Variants in ZZZ3 observed in about 807,000 individuals in gnomAD.
ZZZ3 encodes the protein ZZ-type zinc finger-containing protein 3.
In ZZZ3, 22 loss-of-function variants were observed where a neutral mutation model predicts 95.2. The observed-to-expected ratio is 0.23, with a 90% CI of 0.17 to 0.33. The LOEUF is 0.33. ZZZ3 is among the 10% of genes least tolerant of loss of function. The pLI is 1.00. For missense variants in ZZZ3, 885 were observed against 1,066.5 expected (o/e 0.83, Z 2.37); for synonymous variants, 335 against 358.9 (o/e 0.93, Z 0.75).
chr1:77,570,023 CTA>C (rs1208469854), intron 12 of ZZZ3, among the ~76,000 whole-genome samples: 1 of 152,228 alleles, frequency 6.6e-6, no homozygotes, highest in Admixed American at 6.5e-5. Flanking sequence ...GTATTAAGTG[CTA>C]TGTTTATTTT....
intron 5 of ZZZ3, among the ~76,000 whole-genome samples, chr1:77,627,069 C>T (rs1667403724): frequency 6.6e-6 from 1 of 152,158 alleles, no homozygotes. Flanking sequence ...CCAAGATCTG[C>T]TCCATGAGGG....
At chr1:77,614,427 G>A (rs1227581514) in intron 5 of ZZZ3, among the ~76,000 whole-genome samples, 1 of 152,158 alleles carries the variant, frequency 6.6e-6, no homozygotes, top group Non-Finnish European at 1.5e-5. Flanking sequence ...CCCCATTAAC[G>A]TCTCTTGATT....
chr1:77,602,831 C>G (rs1475388049), intron 5 of ZZZ3, among the ~76,000 whole-genome samples: 1 of 151,830 alleles, frequency 6.6e-6, no homozygotes, highest in Non-Finnish European at 1.5e-5. Context: ...GTATTGAACT[C>G]CTGACCTCGT....
At chr1:77,595,532 C>A (rs1443513991) in intron 5 of ZZZ3, among the ~76,000 whole-genome samples, 1 of 152,028 alleles carries the variant, frequency 6.6e-6, no homozygotes, top group East Asian at 1.9e-4. Context: ...TCTCTAAAAT[C>A]TCTGTCCAAT....
chr1:77,679,618 T>G (rs895128303), intron 1 of ZZZ3, among the ~76,000 whole-genome samples: 1 of 152,182 alleles, frequency 6.6e-6, no homozygotes, highest in African/African-American at 2.4e-5. Flanking sequence ...TCTGTGGAAA[T>G]TGGCATGGTG....
At chr1:77,661,282 G>A (rs974339810) in intron 1 of ZZZ3, among the ~76,000 whole-genome samples, 7 of 151,890 alleles carry the variant, frequency 4.6e-5, no homozygotes, top group African/African-American at 1.7e-4. Flanking sequence ...GCAGAGTGTC[G>A]GGTAACTGTA....
chr1:77,589,863 G>A (rs1427860135), intron 5 of ZZZ3, among the ~76,000 whole-genome samples: 1 of 152,100 alleles, frequency 6.6e-6, no homozygotes, highest in Admixed American at 6.5e-5. Flanking sequence ...CAGACAGGCA[G>A]ACAGAAACAG....
intron 4 of ZZZ3, among the ~76,000 whole-genome samples, chr1:77,636,709 A>G (rs949572986): frequency 6.7e-6 from 1 of 149,604 alleles, no homozygotes; most frequent in Non-Finnish European, 1.5e-5. Context: ...TGTCTTGAAA[A>G]AAAAAAAAAA....
intron 5 of ZZZ3, among the ~76,000 whole-genome samples, chr1:77,603,121 G>C (rs1013491750): frequency 1.1e-4 from 16 of 151,628 alleles, no homozygotes; most frequent in Non-Finnish European, 2.1e-4. Flanking sequence ...CTGTTGCCCA[G>C]GCTGGAGTGC....
In ZZZ3 at chr1:77,631,993, T is replaced by C. The variant is rs1667851736; in HGVS notation, c.1362A>G (p.Lys454=). ...SQNNGSEGVS[K]PPSEARLNIG... Reference sequence around the variant, plus strand: ...TATTGAGTCTTGCCTCTGAGGGTGGTTTACTTACTCCTTCACTTCCATTAT... The same window carrying C: ...TATTGAGTCTTGCCTCTGAGGGTGGCTTACTTACTCCTTCACTTCCATTAT... The change falls in exon 5 of 15, where the codon AAA becomes AAG. Residue 454 remains lysine, a synonymous_variant. Coordinates refer to ENST00000370801, the MANE Select transcript of ZZZ3 (RefSeq NM_015534.6). The C allele has an allele frequency of 1.2e-6, 2 of 1,614,112 alleles. No homozygotes were observed. The highest frequency in any genetic ancestry group is 2.7e-5 in the African/African-American group (2 of 75,046).
intron 9 of ZZZ3, 185 bp downstream of exon 9, chr1:77,580,813 G>C (rs1489933549): frequency 2.0e-6 from 1 of 504,910 alleles, no homozygotes; most frequent in African/African-American, 1.9e-5. Context: ...TGTATTTTTA[G>C]TAGGGTTTCA....
chr1:77,658,178 CAAAAAAAAA>C (rs1186224710), intron 1 of ZZZ3, among the ~76,000 whole-genome samples: 1 of 76,324 alleles, frequency 1.3e-5, no homozygotes, highest in South Asian at 5.2e-4. Flanking sequence ...GACTTTGTCT[CAAAAAAAAA>C]AAAAAAAAAA....
At chr1:77,604,013 T>G (rs1171016292) in intron 5 of ZZZ3, among the ~76,000 whole-genome samples, 1 of 151,944 alleles carries the variant, frequency 6.6e-6, no homozygotes, top group Non-Finnish European at 1.5e-5. Flanking sequence ...AAAAAAAAAT[T>G]TAAAAATTAC....
chr1:77,680,874 A>T (rs973391890), intron 1 of ZZZ3, among the ~76,000 whole-genome samples: 1 of 152,220 alleles, frequency 6.6e-6, no homozygotes, highest in Non-Finnish European at 1.5e-5. Context: ...AATTTATTTA[A>T]ATCTTGTTTT....
At chr1:77,592,933 C>A (rs910573932) in intron 5 of ZZZ3, among the ~76,000 whole-genome samples, 5 of 152,124 alleles carry the variant, frequency 3.3e-5, no homozygotes, top group African/African-American at 1.2e-4. Flanking sequence ...TAAAGATCCA[C>A]AAGAAGATGG....
chr1:77,676,183 T>C (rs1314173669), intron 1 of ZZZ3, among the ~76,000 whole-genome samples: 2 of 152,208 alleles, frequency 1.3e-5, no homozygotes, highest in Non-Finnish European at 2.9e-5. Context: ...TTGGGGGTTT[T>C]TTGACAAGGG....
At chr1:77,648,791 T>A (rs1425216027) in intron 1 of ZZZ3, among the ~76,000 whole-genome samples, 1 of 152,052 alleles carries the variant, frequency 6.6e-6, no homozygotes, top group Non-Finnish European at 1.5e-5. Context: ...TAAGAAATGA[T>A]CCCAAACTTT....
At position 77,597,688 on chromosome 1, in the gene ZZZ3, G is replaced by C. The variant is rs182176950; in HGVS notation, c.1506-13033C>G. ...GACAAATTCAAATAGAGAGGCATCTGTAATACCTGACTAGTACCCCTCAGA... is the reference window on the plus strand; with the variant it reads ...GACAAATTCAAATAGAGAGGCATCTCTAATACCTGACTAGTACCCCTCAGA... On this transcript the variant is annotated intron_variant, in intron 5 of 14. Transcript: ENST00000370801. Among the ~76,000 whole-genome samples the C allele has an allele frequency of 1.9e-4, 29 of 152,168 alleles. No homozygotes were observed. In the East Asian group the frequency reaches 5.4e-3, roughly 28 times the overall value.
At chr1:77,579,382 C>A (rs72683638) in intron 10 of ZZZ3, 145 bp downstream of exon 10, 8,180 of 529,884 alleles carry the variant, frequency 0.015, 182 homozygotes, top group South Asian at 0.086. Context: ...AAAATATATA[C>A]AATTTTTTTA....
Sources: allele counts gnomAD v4.1 joint callset (sites outside exome capture counted in the v4.1 genomes callset), GRCh38; gene constraint gnomAD v4.1.1; transcripts MANE v1.5; gene names NCBI Gene and HGNC (gene_info 2026-07-23, HGNC 2026-07-21).